The following KIF6 variants were observed in gnomAD, a reference collection of about 807,000 sequenced individuals.
KIF6 encodes the protein kinesin family member 6.
In KIF6, 106 loss-of-function variants were observed where a neutral mutation model predicts 112.7. The ratio of observed to expected loss-of-function variants is 0.94; its 90% CI spans 0.80 to 1.11. The LOEUF is 1.11. Among genes scored for constraint, KIF6 ranks in the 50% least tolerant of loss-of-function variants. The pLI is 0.00. For missense variants in KIF6, 929 were observed against 964.0 expected (o/e 0.96, Z 0.48); for synonymous variants, 339 against 339.9 (o/e 1.00, Z 0.03).
chr6:39,343,891 C>T lies in KIF6; in HGVS notation c.2322-76G>A. The T allele has an allele frequency of 2.4e-6, 2 of 831,698 alleles. No homozygotes were observed. The highest frequency in any genetic ancestry group is 3.6e-5 in the South Asian group (2 of 56,110). The allele number at this position is 831,698 out of a possible 1,614,324, so 51.5% of individuals were successfully genotyped here. Reference sequence around the variant, plus strand: ...CACTTATATTTCCAAAATGCTTTTCCATTTTAGGTGACTGATCTCACTCAG... The same window carrying T: ...CACTTATATTTCCAAAATGCTTTTCTATTTTAGGTGACTGATCTCACTCAG... On this transcript the variant is annotated intron_variant, in intron 21 of 22. Transcript: ENST00000287152. This position sits in a 1 kb window ranked among gnomAD's most constrained non-coding sequence, Gnocchi z 4.1.
chr6:39,343,853 C>G lies in KIF6; in HGVS notation c.2322-38G>C. On this transcript the variant is annotated intron_variant, in intron 21 of 22. Transcript: ENST00000287152. This position sits in a 1 kb window ranked among gnomAD's most constrained non-coding sequence, Gnocchi z 4.1. Reference sequence around the variant, plus strand: ...ACGTGTCACATTTTACTACACTTTACAACTGGACTCACCACTTATATTTCC... The same window carrying G: ...ACGTGTCACATTTTACTACACTTTAGAACTGGACTCACCACTTATATTTCC... 2 of 1,196,328 alleles carry G rather than the reference C, an allele frequency of 1.7e-6. No homozygotes were observed. Among genetic ancestry groups the G allele is most frequent in the Non-Finnish European group, 2.4e-6 (2 of 831,098 alleles). 74.1% of individuals were successfully genotyped at this position (1,196,328 alleles called of 1,614,324 possible).
chr6:39,516,247 A>G (rs1030326809), intron 13 of KIF6, among the ~76,000 whole-genome samples: 7 of 152,080 alleles, frequency 4.6e-5, no homozygotes, highest in Admixed American at 3.9e-4. Flanking sequence ...AAATGAATTT[A>G]TGAAAAAATA....
chr6:39,510,388 G>A (rs992447524), intron 13 of KIF6, among the ~76,000 whole-genome samples: 8 of 151,966 alleles, frequency 5.3e-5, no homozygotes, highest in Admixed American at 3.9e-4. Context: ...CACCACGTCC[G>A]GCTCAACATT....
At chr6:39,346,344 A>T (rs1199846746) in intron 20 of KIF6, 132 bp downstream of exon 20, 2 of 704,274 alleles carry the variant, frequency 2.8e-6, no homozygotes, top group Non-Finnish European at 5.2e-6. Context: ...TGATTAAGTC[A>T]TGAAGGTAGA....
intron 13 of KIF6, among the ~76,000 whole-genome samples, chr6:39,532,625 T>A (rs149804575): frequency 6.6e-6 from 1 of 152,146 alleles, no homozygotes; most frequent in African/African-American, 2.4e-5. Context: ...CAAGGAGAAA[T>A]GGAATTAAGA....
intron 10 of KIF6, among the ~76,000 whole-genome samples, chr6:39,555,449 C>A (rs966172536): frequency 6.6e-6 from 1 of 152,096 alleles, no homozygotes; most frequent in Admixed American, 6.5e-5. Flanking sequence ...GTATGCTACC[C>A]TGCTGGGCCC....
chr6:39,393,610 C>G (rs939606648), intron 15 of KIF6, among the ~76,000 whole-genome samples: 1 of 151,692 alleles, frequency 6.6e-6, no homozygotes, highest in Admixed American at 6.6e-5. Context: ...CATTAAAAAC[C>G]TCTGTGTGTA....
intron 5 of KIF6, among the ~76,000 whole-genome samples, chr6:39,632,317 T>A (rs1253882301): frequency 6.6e-6 from 1 of 152,126 alleles, no homozygotes; most frequent in Non-Finnish European, 1.5e-5. Context: ...TGACCCTGAG[T>A]TGATTTTATA....
At position 39,540,102 on chromosome 6, in the gene KIF6, G is replaced by T. The variant is rs1778703520; in HGVS notation, c.1546C>A (p.Pro516Thr). Residue 516 changes from proline (P) to threonine (T), a missense_variant, in exon 13 of 23, where the codon CCA becomes ACA. Pro to Thr is a conservative substitution (Grantham distance 38). Transcript: ENST00000287152. ...SQSPPFRLGN[P>T]EEGQRMRLSS... ...AGTCGCATTCTTTGACCTTCTTCTG[G>T]GTTTCCTAGGCGGAAGGGTGGGCTC... The T allele has an allele frequency of 6.2e-7, 1 of 1,614,052 alleles. No homozygotes were observed. The highest frequency in any genetic ancestry group is 1.3e-5 in the African/African-American group (1 of 75,020).
intron 13 of KIF6, among the ~76,000 whole-genome samples, chr6:39,526,257 G>C (rs1389434361): frequency 6.6e-6 from 1 of 152,122 alleles, no homozygotes; most frequent in Non-Finnish European, 1.5e-5. Flanking sequence ...CTGTCTCTTT[G>C]ATGCCTCTGG....
At chr6:39,516,558 C>A (rs954423331) in intron 13 of KIF6, among the ~76,000 whole-genome samples, 5 of 150,342 alleles carry the variant, frequency 3.3e-5, no homozygotes, top group Admixed American at 1.3e-4. Flanking sequence ...GATCTCATAC[C>A]CACAGTTATT....
Position 39,672,207 on chromosome 6 carries a change from C to A in KIF6, c.252-32450G>T, listed in dbSNP as rs1786857088. Among the ~76,000 whole-genome samples, 5 of 152,258 alleles carry A rather than the reference C, an allele frequency of 3.3e-5. No individual in the cohort carries two copies. The South Asian group carries it at 1.0e-3, about 32-fold the overall frequency. Reference sequence around the variant, plus strand: ...ATGTTGCCTGGGCTGGTCTCAAATTCCTGTGCTCAAGTGATCCTTCTGTCT... The same window carrying A: ...ATGTTGCCTGGGCTGGTCTCAAATTACTGTGCTCAAGTGATCCTTCTGTCT... On this transcript the variant is annotated intron_variant, in intron 3 of 22. Transcript: ENST00000287152.
At chr6:39,547,290 C>T (rs987767097) in intron 10 of KIF6, among the ~76,000 whole-genome samples, 8 of 152,138 alleles carry the variant, frequency 5.3e-5, no homozygotes, top group African/African-American at 1.7e-4. Context: ...TATATATTTA[C>T]AAGTGTGAGA....
rs528280743 is a variant in KIF6 at position 39,469,415 on chromosome 6, T to C, written c.1646-38254A>G. ...AAAAAACCAAGATTTAACTGTATGC[T>C]ATAAAAGATACAGTTTACCTTCAAA... On this transcript the variant is annotated intron_variant, in intron 13 of 22. Transcript: ENST00000287152. Among the ~76,000 whole-genome samples, 8 of 152,222 alleles carry C rather than the reference T, an allele frequency of 5.3e-5. 1 individual carries two copies. In the South Asian group the frequency reaches 1.7e-3, roughly 32 times the overall value.
intron 13 of KIF6, among the ~76,000 whole-genome samples, chr6:39,536,262 T>C (rs1173482508): frequency 5.9e-5 from 9 of 151,298 alleles, no homozygotes; most frequent in Non-Finnish European, 1.0e-4. Context: ...TTCAAAAAAT[T>C]AATGAATCCA....
chr6:39,382,760 G>C (rs1426549015), intron 16 of KIF6, among the ~76,000 whole-genome samples: 1 of 152,068 alleles, frequency 6.6e-6, no homozygotes, highest in African/African-American at 2.4e-5. Flanking sequence ...TTCCAGAGGA[G>C]GTGAAATAAT....
chr6:39,696,064 G>A (rs865870315), intron 3 of KIF6, among the ~76,000 whole-genome samples: 24 of 152,174 alleles, frequency 1.6e-4, no homozygotes, highest in Non-Finnish European at 1.0e-4. Flanking sequence ...ACGTGTAAGT[G>A]GGAGCTAGGC....
At chr6:39,578,621 C>T (rs1002578265) in intron 9 of KIF6, among the ~76,000 whole-genome samples, 2 of 152,136 alleles carry the variant, frequency 1.3e-5, no homozygotes, top group Admixed American at 6.5e-5. Context: ...TGAGCCACCT[C>T]GCCCAGCCTC....
At chr6:39,528,016 ATTAT>A (rs1359653214) in intron 13 of KIF6, among the ~76,000 whole-genome samples, 1 of 152,168 alleles carries the variant, frequency 6.6e-6, no homozygotes, top group East Asian at 1.9e-4. Flanking sequence ...TGAAATGTAC[ATTAT>A]TTATTATATT....
Sources: gnomAD v4.1 joint callset for allele counts (sites outside exome capture counted in the v4.1 genomes callset) on GRCh38, gnomAD v4.1.1 for gene constraint, Gnocchi (gnomAD v3.1) non-coding constraint, MANE v1.5 for transcripts, NCBI Gene and HGNC (gene_info 2026-07-23, HGNC 2026-07-21) for gene names.